Variants in TRABD2B observed in about 807,000 individuals in gnomAD.
TRABD2B encodes TraB domain containing 2B, also known as metalloprotease TIKI2.
TRABD2B carries 14 observed loss-of-function variants against 40.1 expected under a neutral mutation model. That is an observed-to-expected ratio of 0.35 (90% CI 0.23 to 0.55). TRABD2B has a LOEUF of 0.55. Among genes scored for constraint, TRABD2B ranks in the 20% least tolerant of loss-of-function variants. The pLI, the probability that TRABD2B is intolerant of heterozygous loss-of-function variation, is 0.90. For missense variants in TRABD2B, 541 were observed against 648.6 expected (o/e 0.83, Z 1.80); for synonymous variants, 263 against 277.0 (o/e 0.95, Z 0.50).
At chr1:47,970,630 C>T (rs776639266) in intron 2 of TRABD2B, among the ~76,000 whole-genome samples, 2 of 152,168 alleles carry the variant, frequency 1.3e-5, no homozygotes, top group Non-Finnish European at 2.9e-5. Flanking sequence ...AAGCAATAAT[C>T]ATTTATTTTC....
At chr1:47,881,093 G>A (rs553246619) in intron 2 of TRABD2B, among the ~76,000 whole-genome samples, 1 of 152,336 alleles carries the variant, frequency 6.6e-6, no homozygotes, top group African/African-American at 2.4e-5. Flanking sequence ...CAGGGCATGG[G>A]CCTCCACAGC....
chr1:47,935,933 T>C (rs1038334762), intron 2 of TRABD2B, among the ~76,000 whole-genome samples: 17 of 152,386 alleles, frequency 1.1e-4, no homozygotes, highest in Middle Eastern at 6.8e-3. Flanking sequence ...TTGCTGCTCA[T>C]TAGCTGTGCA....
chr1:47,967,580 A>T (rs1037693920), intron 2 of TRABD2B, among the ~76,000 whole-genome samples: 1 of 152,242 alleles, frequency 6.6e-6, no homozygotes, highest in Non-Finnish European at 1.5e-5. Context: ...AAAAGATTAA[A>T]AACAACCAAT....
chr1:47,886,795 C>A (rs958541317), intron 2 of TRABD2B, among the ~76,000 whole-genome samples: 1 of 152,190 alleles, frequency 6.6e-6, no homozygotes, highest in Non-Finnish European at 1.5e-5. Context: ...AACTTCTAAA[C>A]AGTTTTTCAA....
At chr1:47,774,938 C>T (rs1557556251) in intron 6 of TRABD2B, among the ~76,000 whole-genome samples, 1 of 152,266 alleles carries the variant, frequency 6.6e-6, no homozygotes, top group Non-Finnish European at 1.5e-5. Context: ...CTGAAGAAAG[C>T]TTCTATTTCC....
intron 2 of TRABD2B, among the ~76,000 whole-genome samples, chr1:47,855,391 T>G (rs541211259): frequency 3.9e-5 from 6 of 152,368 alleles, no homozygotes; most frequent in Non-Finnish European, 8.8e-5. Context: ...AGTGTATCCT[T>G]GTCTGCATTT....
At chr1:47,967,332 AG>A (rs1645617898) in intron 2 of TRABD2B, among the ~76,000 whole-genome samples, 1 of 99,550 alleles carries the variant, frequency 1.0e-5, no homozygotes, top group Non-Finnish European at 2.0e-5. Flanking sequence ...TGAATAAGCA[AG>A]AAAACACACA....
chr1:47,951,883 T>C (rs1570354829), intron 2 of TRABD2B, among the ~76,000 whole-genome samples: 1 of 152,324 alleles, frequency 6.6e-6, no homozygotes, highest in South Asian at 2.1e-4. Flanking sequence ...CAAAGTGAGA[T>C]AATCACAGAA....
chr1:47,918,578 C>A (rs550136820), intron 2 of TRABD2B, among the ~76,000 whole-genome samples: 11 of 152,162 alleles, frequency 7.2e-5, no homozygotes, highest in Non-Finnish European at 1.6e-4. Flanking sequence ...ATGAATACCC[C>A]CTCCCTCCTT....
intron 2 of TRABD2B, among the ~76,000 whole-genome samples, chr1:47,920,462 T>A (rs1460402983): frequency 1.3e-5 from 2 of 152,230 alleles, no homozygotes; most frequent in African/African-American, 4.8e-5. Context: ...CCATTCAAGG[T>A]GGCCCTGGGG....
chr1:47,878,297 CAG>C (rs1457414884), intron 2 of TRABD2B, among the ~76,000 whole-genome samples: 1 of 152,142 alleles, frequency 6.6e-6, no homozygotes, highest in Non-Finnish European at 1.5e-5. Context: ...GTCTGGACGA[CAG>C]AGAGAGACTC....
At chr1:47,818,966 GTTT>G (rs1645071728) in intron 2 of TRABD2B, 1 of 152,252 alleles carries the variant, frequency 6.6e-6, no homozygotes, top group African/African-American at 2.4e-5. Context: ...TAGACCTTAT[GTTT>G]CCAGGGCCTG....
intron 2 of TRABD2B, among the ~76,000 whole-genome samples, chr1:47,837,733 G>A (rs1325096088): frequency 6.6e-6 from 1 of 152,154 alleles, no homozygotes; most frequent in Non-Finnish European, 1.5e-5. Context: ...GGCAATTATT[G>A]CACTAGGTTT....
chr1:47,935,408 A>G (rs770713288), intron 2 of TRABD2B, among the ~76,000 whole-genome samples: 6 of 152,194 alleles, frequency 3.9e-5, no homozygotes, highest in African/African-American at 9.7e-5. Context: ...CTGTATTGCA[A>G]CAGGCTGTTT....
chr1:47,821,207 G>A (rs966135211), intron 2 of TRABD2B, among the ~76,000 whole-genome samples: 2 of 152,242 alleles, frequency 1.3e-5, no homozygotes, highest in Non-Finnish European at 2.9e-5. Flanking sequence ...AAGCCAGTCA[G>A]TGGCACCCAC....
At chr1:47,767,955 G>C (rs1263345667) in intron 6 of TRABD2B, among the ~76,000 whole-genome samples, 2 of 152,222 alleles carry the variant, frequency 1.3e-5, no homozygotes, top group African/African-American at 4.8e-5. Flanking sequence ...CCCTGGCTCA[G>C]CTTCAGCTAG....
intron 2 of TRABD2B, among the ~76,000 whole-genome samples, chr1:47,971,393 C>A (rs570596428): frequency 6.6e-6 from 1 of 152,194 alleles, no homozygotes; most frequent in Non-Finnish European, 1.5e-5. Context: ...GGAAAGCCAG[C>A]CTTGGGTATA....
chr1:47,929,791 A>G (rs1645015901), intron 2 of TRABD2B, among the ~76,000 whole-genome samples: 1 of 152,158 alleles, frequency 6.6e-6, no homozygotes, highest in South Asian at 2.1e-4. Context: ...CCTGGTGTGG[A>G]CAACTCCAGC....
intron 2 of TRABD2B, among the ~76,000 whole-genome samples, chr1:47,891,578 C>T (rs1644445722): frequency 6.6e-6 from 1 of 152,164 alleles, no homozygotes; most frequent in Admixed American, 6.5e-5. Flanking sequence ...AGGAAGGCTG[C>T]TTGATCCCAG....
Sources: allele counts gnomAD v4.1 joint callset (sites outside exome capture counted in the v4.1 genomes callset), GRCh38; gene constraint gnomAD v4.1.1; transcripts MANE v1.5; gene names NCBI Gene and HGNC (gene_info 2026-07-23, HGNC 2026-07-21).